Variants in FAM174B observed in about 807,000 individuals in gnomAD.
FAM174B encodes family with sequence similarity 174 member B.
Under a neutral mutation model 10.9 loss-of-function variants are expected in FAM174B, and 12 were observed. The observed-to-expected ratio is 1.10, with a 90% CI of 0.71 to 1.79. The LOEUF (loss-of-function observed/expected upper bound fraction) is 1.79, where lower values mean the gene tolerates loss of function less well. Ranked by LOEUF, FAM174B falls within the 40% of genes most tolerant of loss-of-function variation. The pLI, the probability that FAM174B is intolerant of heterozygous loss-of-function variation, is 0.00. For missense variants in FAM174B, 266 were observed against 233.3 expected, an observed-to-expected ratio of 1.14 and a Z score of -0.91; for synonymous variants, 132 against 115.8, an observed-to-expected ratio of 1.14 and a Z score of -0.90.
chr15:92,630,322 G>T lies in FAM174B; in HGVS notation c.368C>A (p.Thr123Lys), dbSNP rs776310212. The change falls in exon 2 of 3, where the codon ACA (threonine) becomes AAA (lysine). Residue 123 changes from threonine to lysine, a missense_variant. By Grantham distance (78) the Thr-to-Lys change is moderately conservative (BLOSUM62 -1). Transcript: ENST00000327355. ...AGTGGTGATGATATCATACTTGCGTGTCTTCTTTAACCTCTTTCCCGACCT... is the reference window on the plus strand; with the variant it reads ...AGTGGTGATGATATCATACTTGCGTTTCTTCTTTAACCTCTTTCCCGACCT... ...VFRSGKRLKKTRKYDIITTPA... is the reference protein window; with the variant it reads ...VFRSGKRLKKKRKYDIITTPA... 2 of 1,613,156 alleles carry T rather than the reference G, an allele frequency of 1.2e-6. No homozygotes were observed. The highest frequency in any genetic ancestry group is 2.7e-5 in the African/African-American group (2 of 74,832).
chr15:92,624,808 G>A (rs979514407), intron 2 of FAM174B, among the ~76,000 whole-genome samples: 4 of 152,346 alleles, frequency 2.6e-5, no homozygotes, highest in Middle Eastern at 3.4e-3. Context: ...CAGGAGCAGC[G>A]CGTTCTCCCA....
Position 92,618,843 on chromosome 15 carries a change from A to ATTTT in FAM174B, c.*612_*613insAAAA, listed in dbSNP as rs2050698744. 2.1e-5 allele frequency: 4 copies of ATTTT among 188,886 alleles called. No individual in the cohort carries two copies. The highest frequency in any genetic ancestry group is 4.8e-5 in the African/African-American group (2 of 41,952). 11.7% of individuals were successfully genotyped at this position (188,886 alleles called of 1,614,324 possible). ...TCTGCTGAACCTTTTTTTTTTTTAA[A>ATTTT]AAAAAAAAAAAAGGAAGAAAGAAAA... On this transcript the variant is annotated 3_prime_UTR_variant, in exon 3 of 3. Coordinates refer to ENST00000327355, the MANE Select transcript of FAM174B (RefSeq NM_207446.3).
At chr15:92,642,683 T>C (rs77864261) in intron 1 of FAM174B, among the ~76,000 whole-genome samples, 2,354 of 152,334 alleles carry the variant, frequency 0.015, 63 homozygotes, top group African/African-American at 0.054. Context: ...CTGAGGCCTC[T>C]CCTGCCATGC....
chr15:92,640,056 ATGAG>A (rs947914045), intron 1 of FAM174B, among the ~76,000 whole-genome samples: 22 of 152,222 alleles, frequency 1.4e-4, no homozygotes, highest in African/African-American at 5.3e-4. Context: ...GGCATTTCAA[ATGAG>A]TGAGAAAAAG....
intron 1 of FAM174B, among the ~76,000 whole-genome samples, chr15:92,648,803 C>T (rs1198790108): frequency 2.0e-5 from 3 of 152,216 alleles, no homozygotes; most frequent in African/African-American, 7.2e-5. Context: ...AGGGTTTCCT[C>T]CTCCCCGCAC....
intron 1 of FAM174B, among the ~76,000 whole-genome samples, chr15:92,630,746 T>C (rs1032740040): frequency 1.4e-4 from 5 of 35,284 alleles, no homozygotes; most frequent in African/African-American, 3.9e-4. Context: ...ATATATTTTT[T>C]ATATTATATA....
Position 92,617,874 on chromosome 15 carries a change from C to T in FAM174B, c.*1582G>A, listed in dbSNP as rs1026362823. The T allele has an allele frequency of 1.5e-5, 7 of 456,668 alleles. No individual in the cohort carries two copies. Among genetic ancestry groups the T allele is most frequent in the African/African-American group, 1.0e-4 (5 of 49,096 alleles). 28.3% of individuals were successfully genotyped at this position (456,668 alleles called of 1,614,324 possible). ...GAGCAGAGACTACACGCAGGCCCCCCGTGGCTGGCAATACCATGCGTGCTG... is the reference window on the plus strand; with the variant it reads ...GAGCAGAGACTACACGCAGGCCCCCTGTGGCTGGCAATACCATGCGTGCTG... On this transcript the variant is annotated 3_prime_UTR_variant, in exon 3 of 3. Transcript: ENST00000327355.
At chr15:92,636,273 C>T (rs2050855643) in intron 1 of FAM174B, among the ~76,000 whole-genome samples, 1 of 152,104 alleles carries the variant, frequency 6.6e-6, no homozygotes, top group Non-Finnish European at 1.5e-5. Flanking sequence ...GAGATCTCGC[C>T]ACCACACTCC....
At chr15:92,628,331 AT>A (rs2050767242) in intron 2 of FAM174B, among the ~76,000 whole-genome samples, 1 of 121,882 alleles carries the variant, frequency 8.2e-6, no homozygotes, top group Non-Finnish European at 1.7e-5. Context: ...TGCCTGGCTA[AT>A]TTTTGCTTTT....
intron 1 of FAM174B, among the ~76,000 whole-genome samples, chr15:92,637,389 C>T (rs1223851591): frequency 6.6e-6 from 1 of 152,180 alleles, no homozygotes; most frequent in Non-Finnish European, 1.5e-5. Flanking sequence ...GCCAGCTCTC[C>T]TTAAAAACTA....
chr15:92,648,263 C>T (rs967149495), intron 1 of FAM174B, among the ~76,000 whole-genome samples: 1 of 152,144 alleles, frequency 6.6e-6, no homozygotes, highest in African/African-American at 2.4e-5. Flanking sequence ...CTCATATTGG[C>T]TCACAATAAA....
In FAM174B at chr15:92,655,617, G is replaced by A. The variant is rs1184645057; in HGVS notation, c.43C>T (p.Leu15=). The A allele has an allele frequency of 3.2e-6, 4 of 1,266,114 alleles. No homozygotes were observed. The African/African-American group carries it at 6.2e-5, about 20-fold the overall frequency. The allele number at this position is 1,266,114 out of a possible 1,614,324, so 78.4% of individuals were successfully genotyped here. A position where few individuals can be genotyped will look rare whatever the true frequency, so the allele number is the denominator to read the frequency against. ...GCGGGAGCGGCCAGGAGCGCGAGCA[G>A]CAGCAGCGGCAGGAGCGGGGCGGGC... ...PLPAPLLPLL[L]LALLAAPAAR... The change falls in exon 1 of 3, where the codon CTG becomes TTG. Residue 15 remains leucine (L), a synonymous_variant. Coordinates refer to ENST00000327355, the MANE Select transcript of FAM174B (RefSeq NM_207446.3).
At chr15:92,639,860 C>T (rs1410518087) in intron 1 of FAM174B, among the ~76,000 whole-genome samples, 1 of 152,228 alleles carries the variant, frequency 6.6e-6, no homozygotes, top group Non-Finnish European at 1.5e-5. Flanking sequence ...GAAGCAGAAG[C>T]TGCTATGCTT....
chr15:92,646,217 C>A (rs2050926375), intron 1 of FAM174B, among the ~76,000 whole-genome samples: 1 of 152,156 alleles, frequency 6.6e-6, no homozygotes, highest in Non-Finnish European at 1.5e-5. Context: ...CTGATCTGGA[C>A]CAACATTTCT....
intron 1 of FAM174B, among the ~76,000 whole-genome samples, chr15:92,630,972 A>G (rs1169838870): frequency 3.4e-3 from 1 of 294 alleles, no homozygotes; most frequent in Non-Finnish European, 7.2e-3. Flanking sequence ...TACATATTAC[A>G]TATTATATAT....
intron 2 of FAM174B, among the ~76,000 whole-genome samples, chr15:92,623,719 T>C (rs935950482): frequency 2.6e-5 from 4 of 152,208 alleles, no homozygotes; most frequent in African/African-American, 9.6e-5. Flanking sequence ...AGTGGCCTTA[T>C]GAGTGAACGA....
rs1364067622 is a variant in FAM174B, at chr15:92,630,225, G to A, written c.465C>T (p.Asp155=). ...DDEDEDSTVF[D]IKYR is the part of the protein sequence containing the mutation. The stretch of plus-strand genomic sequence containing the variant: ...TCTCCACCCTGTACCTGTATTTGAT[G>A]TCGAATACTGTGGAGTCCTCATCTT... Residue 155 remains aspartate (D), a synonymous_variant, in exon 2 of 3, where the codon GAC becomes GAT. Coordinates refer to ENST00000327355, the MANE Select transcript of FAM174B (RefSeq NM_207446.3). The A allele has an allele frequency of 6.2e-7, 1 of 1,613,694 alleles. No homozygotes were observed. The highest frequency in any genetic ancestry group is 1.7e-5 in the Admixed American group (1 of 59,992).
At position 92,619,398 on chromosome 15, in the gene FAM174B, A is replaced by G. The variant is rs765794188; in HGVS notation, c.*58T>C. ...AGGGCTTCCAGGTCCAGTCCTTCAC[A>G]CCCCAGGTTGCAGCTGACCAACTTT... On this transcript the variant is annotated 3_prime_UTR_variant, in exon 3 of 3. Transcript: ENST00000327355. 6.2e-7 allele frequency: 1 copy of G among 1,610,888 alleles called. No individual in the cohort carries two copies. The highest frequency in any genetic ancestry group is 1.7e-5 in the Admixed American group (1 of 59,984).
rs1555420214 is a variant in FAM174B at position 92,620,477 on chromosome 15, A to ATG, written c.477-1019_477-1018insCA. On this transcript the variant is annotated intron_variant, in intron 2 of 2. Coordinates refer to ENST00000327355, the MANE Select transcript of FAM174B (RefSeq NM_207446.3). ...CGCACCACTGCACTCCAGCCTGGGCAACAGAGCAAGACTCCGTCTCAAAAA... is the reference window on the plus strand; with the variant it reads ...CGCACCACTGCACTCCAGCCTGGGCATGACAGAGCAAGACTCCGTCTCAAAAA... Among the ~76,000 whole-genome samples the ATG allele has an allele frequency of 1.1e-4, 17 of 149,098 alleles. No individual in the cohort carries two copies. The East Asian group carries it at 1.6e-3, about 14-fold the overall frequency.
Sources: allele counts gnomAD v4.1 joint callset (sites outside exome capture counted in the v4.1 genomes callset), GRCh38; gene constraint gnomAD v4.1.1; transcripts MANE v1.5; gene names NCBI Gene and HGNC (gene_info 2026-07-23, HGNC 2026-07-21).